The following ADD3 variants were observed in gnomAD, a reference collection of about 807,000 sequenced individuals.
ADD3 encodes the protein gamma-adducin.
Under a neutral mutation model 80.2 loss-of-function variants are expected in ADD3, and 25 were observed. The ratio of observed to expected loss-of-function variants is 0.31; its 90% CI spans 0.23 to 0.44. ADD3 has a LOEUF of 0.44. Among genes scored for constraint, ADD3 ranks in the 20% least tolerant of loss-of-function variants. The probability of loss-of-function intolerance (pLI) is 1.00; values close to 1 mark genes in which losing one functional copy is unlikely to be tolerated. For synonymous variants in ADD3, 284 were observed against 289.6 expected, an observed-to-expected ratio of 0.98 and a Z score of 0.20; for missense variants, 829 against 847.5, an observed-to-expected ratio of 0.98 and a Z score of 0.27.
chr10:110,079,451 AGAGAGAGAGAGTGT>A (rs1385527844), intron 1 of ADD3, among the ~76,000 whole-genome samples: 103 of 132,856 alleles, frequency 7.8e-4, no homozygotes, highest in African/African-American at 3.2e-3. Flanking sequence ...AGAGAGAGAG[AGAGAGAGAGAGTGT>A]GTGTGTGTGT....
chr10:110,036,464 C>A (rs1855669053), intron 1 of ADD3, among the ~76,000 whole-genome samples: 1 of 151,254 alleles, frequency 6.6e-6, no homozygotes, highest in African/African-American at 2.4e-5. Flanking sequence ...ACTGCAAGCC[C>A]CGCTTCCCAG....
At chr10:110,117,445 T>TG (rs1234344098) in intron 5 of ADD3, 23 bp downstream of exon 5, 23 of 1,426,712 alleles carry the variant, frequency 1.6e-5, no homozygotes, top group Non-Finnish European at 2.3e-5. Context: ...ATTCCTGTGT[T>TG]GCTTTTTCTG....
intron 9 of ADD3, 195 bp from the exon 10 acceptor site, chr10:110,123,822 C>T (rs778072099): frequency 1.0e-5 from 6 of 582,700 alleles, no homozygotes; most frequent in Non-Finnish European, 1.8e-5. Context: ...GTTATCAGCT[C>T]TAACTAGGTC....
intron 1 of ADD3, among the ~76,000 whole-genome samples, chr10:110,074,132 G>A (rs762261886): frequency 4.6e-5 from 7 of 152,088 alleles, no homozygotes; most frequent in Non-Finnish European, 1.0e-4. Context: ...CCCCCAACCC[G>A]ATATATCCTT....
chr10:110,050,540 T>A (rs1213152085), intron 1 of ADD3, among the ~76,000 whole-genome samples: 1 of 145,760 alleles, frequency 6.9e-6, no homozygotes, highest in Non-Finnish European at 1.5e-5. Context: ...TGAAGCGGAG[T>A]CTCGCTCTGT....
rs557050439 is a variant in ADD3 at position 110,124,146 on chromosome 10, C to T, written c.1273C>T (p.Leu425Phe). The T allele has an allele frequency of 6.2e-7, 1 of 1,614,190 alleles. No individual in the cohort carries two copies. Among genetic ancestry groups the T allele is most frequent in the South Asian group, 1.1e-5 (1 of 91,074 alleles). ...AGACGATACAGTGCCACTCTCTCCT[C>T]TCAAATACATGGCACAGAGGCAACA... ...FEDDTVPLSP[L>F]KYMAQRQQRE... The change falls in exon 10 of 15, where the codon CTC becomes TTC. Residue 425 changes from leucine to phenylalanine, a missense_variant. Coordinates refer to ENST00000356080, the MANE Select transcript of ADD3 (RefSeq NM_016824.5).
At chr10:110,085,807 A>G (rs1394678961) in intron 1 of ADD3, among the ~76,000 whole-genome samples, 1 of 152,172 alleles carries the variant, frequency 6.6e-6, no homozygotes, top group Non-Finnish European at 1.5e-5. Context: ...GAATTTAATG[A>G]TTAAGAAACA....
At chr10:110,000,272 T>C (rs1047433576) in intron 1 of ADD3, among the ~76,000 whole-genome samples, 5 of 152,252 alleles carry the variant, frequency 3.3e-5, no homozygotes, top group African/African-American at 1.2e-4. Flanking sequence ...GTGCTGTTAA[T>C]AACACATGCT....
chr10:110,096,349 C>T (rs1848153405), intron 1 of ADD3, among the ~76,000 whole-genome samples: 1 of 152,162 alleles, frequency 6.6e-6, no homozygotes, highest in Non-Finnish European at 1.5e-5. Flanking sequence ...TTGTCAGCCT[C>T]CACTAATAGC....
At chr10:110,043,937 G>A (rs1012196111) in intron 1 of ADD3, among the ~76,000 whole-genome samples, 5 of 152,166 alleles carry the variant, frequency 3.3e-5, no homozygotes, top group East Asian at 1.9e-4. Flanking sequence ...GGCCGGGTGC[G>A]GTGGCTCACG....
At chr10:110,040,186 T>A (rs1856130920) in intron 1 of ADD3, among the ~76,000 whole-genome samples, 1 of 152,202 alleles carries the variant, frequency 6.6e-6, no homozygotes, top group African/African-American at 2.4e-5. Context: ...ATTATTATTT[T>A]TTTTTTTCAG....
At chr10:110,024,796 A>G (rs986964239) in intron 1 of ADD3, among the ~76,000 whole-genome samples, 1 of 152,236 alleles carries the variant, frequency 6.6e-6, no homozygotes, top group Non-Finnish European at 1.5e-5. Flanking sequence ...AAATTTTTAT[A>G]AAATCCATTT....
intron 2 of ADD3, among the ~76,000 whole-genome samples, chr10:110,105,732 T>C (rs1849332870): frequency 6.6e-6 from 1 of 152,158 alleles, no homozygotes; most frequent in South Asian, 2.1e-4. Context: ...AGGAGAAACG[T>C]CAAAGGCATA....
At chr10:110,090,186 A>G (rs1029196962) in intron 1 of ADD3, among the ~76,000 whole-genome samples, 6 of 141,460 alleles carry the variant, frequency 4.2e-5, no homozygotes. Context: ...CTGTTGAATG[A>G]TTATGTTGAT....
At chr10:110,042,455 T>C (rs187041167) in intron 1 of ADD3, among the ~76,000 whole-genome samples, 2 of 152,236 alleles carry the variant, frequency 1.3e-5, no homozygotes. Flanking sequence ...GACTTAGAGG[T>C]GTCTGGAAGT....
intron 1 of ADD3, among the ~76,000 whole-genome samples, chr10:110,049,043 C>A (rs1857204359): frequency 6.6e-6 from 1 of 152,190 alleles, no homozygotes; most frequent in Non-Finnish European, 1.5e-5. Flanking sequence ...GGACTTGGTG[C>A]CTTGTGTCCC....
intron 1 of ADD3, among the ~76,000 whole-genome samples, chr10:110,013,191 C>T (rs570790790): frequency 2.2e-4 from 34 of 152,302 alleles, no homozygotes; most frequent in African/African-American, 7.7e-4. Context: ...CAACCTCTGC[C>T]TTCTGGGTTC....
chr10:110,038,845 A>G (rs1221111239), intron 1 of ADD3, among the ~76,000 whole-genome samples: 1 of 152,248 alleles, frequency 6.6e-6, no homozygotes, highest in Non-Finnish European at 1.5e-5. Context: ...CACATTATAC[A>G]ACATTAGCAT....
At chr10:110,048,895 G>A (rs186383210) in intron 1 of ADD3, among the ~76,000 whole-genome samples, 41 of 152,280 alleles carry the variant, frequency 2.7e-4, no homozygotes, top group African/African-American at 8.4e-4. Flanking sequence ...AATGTTAATC[G>A]CCAAAACAAT....
Sources: gnomAD v4.1 joint callset for allele counts (sites outside exome capture counted in the v4.1 genomes callset) on GRCh38, gnomAD v4.1.1 for gene constraint, MANE v1.5 for transcripts, NCBI Gene and HGNC (gene_info 2026-07-23, HGNC 2026-07-21) for gene names.